The following COL6A5 variants were observed in gnomAD, a reference collection of about 807,000 sequenced individuals.
COL6A5 encodes collagen type VI alpha 5 chain.
In COL6A5, 48 loss-of-function variants were observed where a neutral mutation model predicts 65.6. That is an observed-to-expected ratio of 0.73 (90% CI 0.58 to 0.93). The LOEUF is 0.93. Ranked by LOEUF, COL6A5 falls within the 40% of genes least tolerant of loss-of-function variation. The probability of loss-of-function intolerance (pLI) is 0.00; values close to 1 mark genes in which losing one functional copy is unlikely to be tolerated. For synonymous variants in COL6A5, 291 were observed against 322.8 expected (o/e 0.90, Z 1.05); for missense variants, 914 against 928.3 (o/e 0.98, Z 0.20).
intron 1 of COL6A5, among the ~76,000 whole-genome samples, chr3:130,373,340 T>C (rs1000512523): frequency 6.6e-6 from 1 of 152,166 alleles, no homozygotes; most frequent in Non-Finnish European, 1.5e-5. Context: ...AGTGTAGTAA[T>C]TGTACCTCCC....
chr3:130,373,944 C>A (rs539328028), intron 2 of COL6A5, among the ~76,000 whole-genome samples: 23 of 152,168 alleles, frequency 1.5e-4, no homozygotes, highest in Non-Finnish European at 2.8e-4. Context: ...TTGCTTCAAT[C>A]TCAATATTAC....
intron 4 of COL6A5, among the ~76,000 whole-genome samples, chr3:130,453,017 C>T (rs1297479605): frequency 6.6e-6 from 1 of 152,138 alleles, no homozygotes; most frequent in Admixed American, 6.5e-5. Flanking sequence ...TCTCTTGTTC[C>T]CTGAACATTG....
chr3:130,365,182 A>G (rs990900553), intron 1 of COL6A5, among the ~76,000 whole-genome samples: 2 of 152,242 alleles, frequency 1.3e-5, no homozygotes, highest in South Asian at 2.1e-4. Flanking sequence ...GATTTAAGCA[A>G]CTACATGGTT....
intron 5 of COL6A5, among the ~76,000 whole-genome samples, chr3:130,465,894 T>C (rs972948586): frequency 2.0e-5 from 3 of 152,026 alleles, no homozygotes; most frequent in African/African-American, 7.2e-5. Flanking sequence ...AAAACCATTG[T>C]GTCTAAGAGG....
At chr3:130,432,081 A>G (rs1937842016) in intron 1 of COL6A5, 132 bp downstream of exon 33, 1 of 905,030 alleles carries the variant, frequency 1.1e-6, no homozygotes, top group East Asian at 2.7e-5. Context: ...TTTCACAGCT[A>G]TATTGTTGTC....
At chr3:130,360,221 C>G (rs1935061963) in intron 1 of COL6A5, among the ~76,000 whole-genome samples, 1 of 152,090 alleles carries the variant, frequency 6.6e-6, no homozygotes, top group South Asian at 2.1e-4. Flanking sequence ...AAATGTAATG[C>G]AGTGGCTTCA....
At chr3:130,380,077 T>C (rs1252086221) in intron 4 of COL6A5, 27 bp downstream of exon 4, 20 of 1,424,482 alleles carry the variant, frequency 1.4e-5, no homozygotes, top group Admixed American at 2.6e-5. Context: ...ACTTTTCTAA[T>C]TATAAAATTA....
intron 2 of COL6A5, among the ~76,000 whole-genome samples, chr3:130,374,722 G>T (rs1204217059): frequency 6.6e-6 from 1 of 152,114 alleles, no homozygotes; most frequent in Non-Finnish European, 1.5e-5. Flanking sequence ...CCAAAGTGCT[G>T]GGATTACAGT....
chr3:130,440,791 G>C (rs73214742), exon 3 of COL6A5: 114 of 1,612,446 alleles, frequency 7.1e-5, no homozygotes, highest in Non-Finnish European at 9.4e-5. Flanking sequence ...ATTATATTGC[G>C]AAGTTCTTAA....
At chr3:130,420,407 C>A (rs902526568) in intron 25 of COL6A5, among the ~76,000 whole-genome samples, 2 of 152,042 alleles carry the variant, frequency 1.3e-5, no homozygotes, top group African/African-American at 4.8e-5. Context: ...ATATAACATT[C>A]ATTTATGTGA....
chr3:130,397,592 T>C, exon 9 of COL6A5: 1 of 1,549,174 alleles, frequency 6.5e-7, no homozygotes, highest in South Asian at 1.2e-5. Context: ...GATTGCTTTA[T>C]GGACATAGTG....
At chr3:130,406,227 T>G in intron 16 of COL6A5, 41 bp from the exon 17 acceptor site, 1 of 1,549,508 alleles carries the variant, frequency 6.5e-7, no homozygotes, top group African/African-American at 1.4e-5. Flanking sequence ...TTGCTAAAAT[T>G]TTTTTTAAGT....
chr3:130,357,287 A>G (rs1934957270), intron 1 of COL6A5, among the ~76,000 whole-genome samples: 1 of 152,244 alleles, frequency 6.6e-6, no homozygotes, highest in Non-Finnish European at 1.5e-5. Context: ...AAGAAGCAAC[A>G]GAAAATCTAA....
At position 130,401,188 on chromosome 3, in the gene COL6A5, A is replaced by C; in HGVS notation, c.4134+15A>C. On this transcript the variant is annotated intron_variant and NMD_transcript_variant, in intron 11 of 41. Coordinates refer to the COL6A5 transcript ENST00000312481. ...CACAGTACCTGGTGAGTTGTTGAAC[A>C]AAATCCCCGGTTGTTCAAAATGCCA... 2 of 1,526,684 alleles carry C rather than the reference A, an allele frequency of 1.3e-6. No individual in the cohort carries two copies. 94.6% of individuals were successfully genotyped at this position (1,526,684 alleles called of 1,614,324 possible). A position where few individuals can be genotyped will look rare whatever the true frequency, so the allele number is the denominator to read the frequency against.
At chr3:130,482,902 TG>T (rs1423022788) in intron 7 of COL6A5, among the ~76,000 whole-genome samples, 1 of 152,146 alleles carries the variant, frequency 6.6e-6, no homozygotes, top group African/African-American at 2.4e-5. Flanking sequence ...TTTTGTATCC[TG>T]AGACTTTGCT....
chr3:130,476,574 G>A (rs1015824527), intron 7 of COL6A5, among the ~76,000 whole-genome samples: 8 of 152,010 alleles, frequency 5.3e-5, no homozygotes, highest in Admixed American at 6.6e-5. Flanking sequence ...GTAAGACACA[G>A]GCATCAGTTC....
intron 1 of COL6A5, among the ~76,000 whole-genome samples, chr3:130,368,201 C>CA (rs1242336510): frequency 6.6e-6 from 1 of 152,218 alleles, no homozygotes; most frequent in Non-Finnish European, 1.5e-5. Context: ...ATATGGTGTT[C>CA]AGCTGTGCCC....
intron 24 of COL6A5, among the ~76,000 whole-genome samples, chr3:130,417,746 T>A (rs898609776): frequency 6.6e-6 from 1 of 152,142 alleles, no homozygotes; most frequent in Non-Finnish European, 1.5e-5. Flanking sequence ...CTGTGACCTG[T>A]GCAGCCACAC....
At chr3:130,468,772 T>C in intron 5 of COL6A5, 23 bp from the exon 38 acceptor site, 1 of 1,550,084 alleles carries the variant, frequency 6.5e-7, no homozygotes, top group Non-Finnish European at 8.8e-7. Flanking sequence ...TTAAAAAGAA[T>C]GACTTGAGTT....
Sources: gnomAD v4.1 joint callset for allele counts (sites outside exome capture counted in the v4.1 genomes callset) on GRCh38, gnomAD v4.1.1 for gene constraint, MANE v1.5 for transcripts, NCBI Gene and HGNC (gene_info 2026-07-23, HGNC 2026-07-21) for gene names.